PNLIPRP3: variants seen among roughly 807,000 people sequenced by gnomAD.
PNLIPRP3 encodes the protein pancreatic lipase-related protein 3.
Under a neutral mutation model 52.8 loss-of-function variants are expected in PNLIPRP3, and 58 were observed. That is an observed-to-expected ratio of 1.10 (90% CI 0.89 to 1.37). The LOEUF (loss-of-function observed/expected upper bound fraction) is 1.37. PNLIPRP3 is among the 40% of genes most tolerant of loss of function. The pLI, the probability that PNLIPRP3 is intolerant of heterozygous loss-of-function variation, is 0.00. For missense variants in PNLIPRP3, 593 were observed against 561.6 expected (o/e 1.06, Z -0.57); for synonymous variants, 192 against 185.0 (o/e 1.04, Z -0.31).
chr10:116,460,744 A>G (rs900894400), intron 5 of PNLIPRP3, among the ~76,000 whole-genome samples: 3 of 152,116 alleles, frequency 2.0e-5, no homozygotes, highest in African/African-American at 7.2e-5. Context: ...TTAATTTGTT[A>G]GCTGTTTTGG....
chr10:116,464,776 G>C (rs1846253781), intron 7 of PNLIPRP3, among the ~76,000 whole-genome samples: 1 of 152,218 alleles, frequency 6.6e-6, no homozygotes, highest in African/African-American at 2.4e-5. Flanking sequence ...AAACATTACG[G>C]CTTGTTTGTG....
At chr10:116,433,589 T>A (rs1046879599) in intron 1 of PNLIPRP3, among the ~76,000 whole-genome samples, 2 of 152,184 alleles carry the variant, frequency 1.3e-5, no homozygotes, top group African/African-American at 2.4e-5. Context: ...GTAGATTGTA[T>A]TGTTGTTCCC....
At chr10:116,434,039 T>C (rs1159747867) in intron 1 of PNLIPRP3, among the ~76,000 whole-genome samples, 2 of 152,230 alleles carry the variant, frequency 1.3e-5, no homozygotes, top group Non-Finnish European at 1.5e-5. Flanking sequence ...TCACTTTTTC[T>C]AAGTCTTCAT....
At chr10:116,476,478 C>T (rs1440871055) in intron 10 of PNLIPRP3, among the ~76,000 whole-genome samples, 174 bp from the exon 11 acceptor site, 1 of 152,196 alleles carries the variant, frequency 6.6e-6, no homozygotes, top group African/African-American at 2.4e-5. Flanking sequence ...TTTCAAACTT[C>T]AGAACCATGC....
intron 3 of PNLIPRP3, among the ~76,000 whole-genome samples, chr10:116,444,125 A>G (rs192326731): frequency 3.3e-5 from 5 of 151,798 alleles, no homozygotes; most frequent in African/African-American, 7.2e-5. Flanking sequence ...ATCAGATCTC[A>G]TAAGAACTCA....
intron 5 of PNLIPRP3, among the ~76,000 whole-genome samples, chr10:116,456,690 GTT>G (rs1038844632): frequency 3.2e-4 from 49 of 152,160 alleles, no homozygotes; most frequent in African/African-American, 1.1e-3. Context: ...CCCACATTCT[GTT>G]TTCCAAACCA....
At chr10:116,450,601 A>C in intron 4 of PNLIPRP3, among the ~76,000 whole-genome samples, 1 of 152,128 alleles carries the variant, frequency 6.6e-6, no homozygotes, top group East Asian at 1.9e-4. Flanking sequence ...CTAACATTTA[A>C]AAAATAAGAA....
intron 4 of PNLIPRP3, among the ~76,000 whole-genome samples, chr10:116,453,757 T>C (rs1280215000): frequency 6.6e-6 from 1 of 152,138 alleles, no homozygotes; most frequent in South Asian, 2.1e-4. Context: ...CTAAGCTCCC[T>C]GAGGCCTCAC....
At chr10:116,447,005 A>G (rs1036821850) in intron 4 of PNLIPRP3, among the ~76,000 whole-genome samples, 1 of 152,142 alleles carries the variant, frequency 6.6e-6, no homozygotes, top group Non-Finnish European at 1.5e-5. Flanking sequence ...CTAGGGGCCA[A>G]TGAGAACAAA....
At chr10:116,447,947 T>G (rs1589980465) in intron 4 of PNLIPRP3, among the ~76,000 whole-genome samples, 4 of 92,200 alleles carry the variant, frequency 4.3e-5, no homozygotes, top group Admixed American at 1.7e-4. Flanking sequence ...GGCAGCAGAG[T>G]GAGACTCCAT....
intron 9 of PNLIPRP3, among the ~76,000 whole-genome samples, chr10:116,470,994 G>C (rs1846362585): frequency 6.6e-6 from 1 of 152,204 alleles, no homozygotes; most frequent in South Asian, 2.1e-4. Flanking sequence ...CCAGGTTCCA[G>C]TAGAATGGGC....
intron 4 of PNLIPRP3, among the ~76,000 whole-genome samples, chr10:116,448,751 C>T (rs751662715): frequency 6.6e-6 from 1 of 151,786 alleles, no homozygotes; most frequent in Non-Finnish European, 1.5e-5. Context: ...TGCGGTGGCC[C>T]ACACCTGTAA....
chr10:116,469,282 AT>A lies in PNLIPRP3; in HGVS notation c.1031del (p.Leu344Ter). 1.2e-6 allele frequency: 2 copies of A among 1,610,392 alleles called. No homozygotes were observed. The highest frequency in any genetic ancestry group is 1.7e-6 in the Non-Finnish European group (2 of 1,178,582). ...FKNMKTNGSH[Y>X]FLNTGSLSPF... ...AATATGAAGACTAATGGATCACATT[AT>A]TTTTTAAACACAGGGTCCCTTTCCC... On this transcript the variant is annotated frameshift_variant, in exon 9 of 12. Transcript: ENST00000369230. LOFTEE classifies it high-confidence loss of function.
At chr10:116,441,033 C>A (rs1845851065) in intron 2 of PNLIPRP3, among the ~76,000 whole-genome samples, 1 of 152,138 alleles carries the variant, frequency 6.6e-6, no homozygotes, top group Non-Finnish European at 1.5e-5. Context: ...CTATTCTGTA[C>A]AATATTGACA....
chr10:116,459,281 TA>T (rs368186368), intron 5 of PNLIPRP3, among the ~76,000 whole-genome samples: 17,388 of 129,080 alleles, frequency 0.13, 1,576 homozygotes, highest in African/African-American at 0.29. Flanking sequence ...GTCAGAAAAA[TA>T]AAAAAAAAAA....
intron 2 of PNLIPRP3, chr10:116,439,346 A>AT (rs1253837074): frequency 2.3e-6 from 1 of 435,696 alleles, no homozygotes; most frequent in Non-Finnish European, 4.2e-6. Context: ...TCATGATCAA[A>AT]TTTTGTAATT....
At chr10:116,442,553 A>G (rs2133119077) in intron 2 of PNLIPRP3, among the ~76,000 whole-genome samples, 1 of 152,320 alleles carries the variant, frequency 6.6e-6, no homozygotes, top group East Asian at 1.9e-4. Flanking sequence ...GAATTCGTAT[A>G]CTGCATTTTA....
At chr10:116,445,221 A>C (rs557567796) in intron 4 of PNLIPRP3, among the ~76,000 whole-genome samples, 2 of 152,332 alleles carry the variant, frequency 1.3e-5, no homozygotes, top group East Asian at 3.9e-4. Context: ...TGCTCTGACA[A>C]AATGTACACT....
At position 116,444,394 on chromosome 10, in the gene PNLIPRP3, C is replaced by A. The variant is rs181140748; in HGVS notation, c.337C>A (p.Leu113Met). ...ATCTTTGTGCCAGGTGTTGCTACAGCTGGAAGATATAAATTGCATTAATTT... is the reference window on the plus strand; with the variant it reads ...ATCTTTGTGCCAGGTGTTGCTACAGATGGAAGATATAAATTGCATTAATTT... ...QRDMCNVLLQ[L>M]EDINCINLDW... is the part of the protein sequence containing the mutation. The change falls in exon 4 of 12, where the codon CTG (leucine) becomes ATG (methionine). Residue 113 changes from leucine (L) to methionine (M), a missense_variant. Coordinates refer to ENST00000369230, the MANE Select transcript of PNLIPRP3 (RefSeq NM_001011709.3). 1.9e-6 allele frequency: 3 copies of A among 1,607,608 alleles called. No homozygotes were observed. The highest frequency in any genetic ancestry group is 2.2e-5 in the East Asian group (1 of 44,784).
Sources: gnomAD v4.1 joint callset for allele counts (sites outside exome capture counted in the v4.1 genomes callset) on GRCh38, gnomAD v4.1.1 for gene constraint, MANE v1.5 for transcripts, NCBI Gene and HGNC (gene_info 2026-07-23, HGNC 2026-07-21) for gene names.